Variants in CLTA observed in about 807,000 individuals in gnomAD.
CLTA encodes the protein clathrin, light polypeptide (Lca).
In CLTA, 9 loss-of-function variants were observed where a neutral mutation model predicts 26.9. The observed-to-expected ratio is 0.33, with a 90% confidence interval of 0.20 to 0.58. CLTA has a LOEUF of 0.58. Ranked by LOEUF, CLTA falls within the 20% of genes least tolerant of loss-of-function variation. The pLI, the probability that CLTA is intolerant of heterozygous loss-of-function variation, is 0.85. For synonymous variants in CLTA, 120 were observed against 115.5 expected (o/e 1.04, Z -0.25); for missense variants, 278 against 294.2 (o/e 0.94, Z 0.40).
chr9:36,194,215 C>T (rs574574817), intron 1 of CLTA, among the ~76,000 whole-genome samples: 6 of 152,246 alleles, frequency 3.9e-5, no homozygotes, highest in South Asian at 4.1e-4. Flanking sequence ...TTAGTAGAGA[C>T]GGGGTTTCAC....
chr9:36,208,486 C>G (rs775608353), intron 4 of CLTA, among the ~76,000 whole-genome samples: 6 of 152,340 alleles, frequency 3.9e-5, no homozygotes, highest in South Asian at 2.1e-4. Context: ...TCAGGAACAA[C>G]AGAAGCCAGG....
At chr9:36,211,508 A>G in intron 4 of CLTA, 95 bp from the exon 5 acceptor site, 1 of 1,467,354 alleles carries the variant, frequency 6.8e-7, no homozygotes, top group South Asian at 1.4e-5. Context: ...TCATTAAGAA[A>G]GGGACAAATA....
chr9:36,201,479 CA>C (rs1827398115), intron 3 of CLTA, among the ~76,000 whole-genome samples: 1 of 152,152 alleles, frequency 6.6e-6, no homozygotes, highest in Non-Finnish European at 1.5e-5. Context: ...ACTAAAGCTG[CA>C]AAAGCCAGAA....
chr9:36,193,797 C>T (rs915266131), intron 1 of CLTA, among the ~76,000 whole-genome samples: 3 of 152,164 alleles, frequency 2.0e-5, no homozygotes, highest in Non-Finnish European at 4.4e-5. Flanking sequence ...TGGATGACTC[C>T]TTTGGTTGTT....
chr9:36,191,734 A>G (rs763483671), intron 1 of CLTA, among the ~76,000 whole-genome samples: 17 of 152,258 alleles, frequency 1.1e-4, no homozygotes, highest in Admixed American at 3.3e-4. Flanking sequence ...AAAAGTAGCA[A>G]TGCAGTTCAG....
intron 4 of CLTA, among the ~76,000 whole-genome samples, chr9:36,207,195 T>G (rs1326735140): frequency 1.3e-5 from 2 of 152,182 alleles, no homozygotes; most frequent in African/African-American, 4.8e-5. Context: ...AGACTGCATC[T>G]CCCTTCTTTT....
intron 4 of CLTA, among the ~76,000 whole-genome samples, chr9:36,210,081 C>T (rs890900953): frequency 1.3e-5 from 2 of 150,368 alleles, no homozygotes; most frequent in African/African-American, 4.9e-5. Flanking sequence ...AGGTGTTTTT[C>T]TTATTCTTTT....
In CLTA at chr9:36,209,386, T is replaced by A; in HGVS notation, c.486-2217T>A. On this transcript the variant is annotated intron_variant, in intron 4 of 4. Coordinates refer to ENST00000345519, the MANE Select transcript of CLTA (RefSeq NM_001833.4). The stretch of plus-strand genomic sequence containing the variant: ...TTCTACTTTTGTTTAGAGTTAATGC[T>A]CCTTTTATGTCACAAGTTGCTTTGC... 4 of 1,221,852 alleles carry A rather than the reference T, an allele frequency of 3.3e-6. No homozygotes were observed. In the South Asian group the frequency reaches 3.8e-5, roughly 11 times the overall value. The allele number at this position is 1,221,852 out of a possible 1,614,324, so 75.7% of individuals were successfully genotyped here.
At chr9:36,210,752 C>A in intron 4 of CLTA, 1 of 1,480,654 alleles carries the variant, frequency 6.8e-7, no homozygotes, top group South Asian at 1.1e-5. Flanking sequence ...TTTGCCACGG[C>A]CATCCCTGTG....
At chr9:36,202,809 C>T (rs28397009) in intron 3 of CLTA, among the ~76,000 whole-genome samples, 14,370 of 151,554 alleles carry the variant, frequency 0.095, 924 homozygotes, top group South Asian at 0.18. Context: ...GTAGCTATGA[C>T]ATGTATTTCT....
At chr9:36,202,818 CT>C (rs60289579) in intron 3 of CLTA, among the ~76,000 whole-genome samples, 1,737 of 142,854 alleles carry the variant, frequency 0.012, 8 homozygotes, top group Non-Finnish European at 0.018. Flanking sequence ...ACATGTATTT[CT>C]TTTTTTTTTT....
chr9:36,211,140 G>A (rs546178173), intron 4 of CLTA, among the ~76,000 whole-genome samples: 1 of 152,264 alleles, frequency 6.6e-6, no homozygotes, highest in African/African-American at 2.4e-5. Flanking sequence ...GATCTGCCCC[G>A]TTTCTCTCCA....
Position 36,212,030 on chromosome 9 carries a change from T to C in CLTA, c.*256T>C, listed in dbSNP as rs1286926639. On this transcript the variant is annotated 3_prime_UTR_variant, in exon 5 of 5. Transcript: ENST00000345519. ...CTCAACCTGTGCTTCTGTGCATTAT[T>C]CTGAGAATAAATTTCTGTTTCAAAC... The C allele has an allele frequency of 1.6e-6, 1 of 621,520 alleles. No individual in the cohort carries two copies. The highest frequency in any genetic ancestry group is 1.8e-5 in the African/African-American group (1 of 54,762). 38.5% of individuals were successfully genotyped at this position (621,520 alleles called of 1,614,324 possible).
intron 2 of CLTA, among the ~76,000 whole-genome samples, chr9:36,198,172 A>G (rs1827165846): frequency 6.6e-6 from 1 of 151,194 alleles, no homozygotes. Context: ...AATTTTTTGT[A>G]TTTTTAGTAG....
intron 1 of CLTA, among the ~76,000 whole-genome samples, chr9:36,196,825 AAG>A (rs1425147518): frequency 6.6e-6 from 1 of 152,214 alleles, no homozygotes; most frequent in African/African-American, 2.4e-5. Context: ...GACAAACTAT[AAG>A]AAACTCATTT....
At chr9:36,195,383 C>CT (rs1412705164) in intron 1 of CLTA, among the ~76,000 whole-genome samples, 1 of 151,974 alleles carries the variant, frequency 6.6e-6, no homozygotes, top group Non-Finnish European at 1.5e-5. Flanking sequence ...AGAGCAAATA[C>CT]TTAGAGATCA....
At chr9:36,206,276 C>T (rs2132934520) in intron 4 of CLTA, among the ~76,000 whole-genome samples, 1 of 151,728 alleles carries the variant, frequency 6.6e-6, no homozygotes, top group East Asian at 1.9e-4. Context: ...GGGAACCTTG[C>T]AGCACAGGGC....
intron 4 of CLTA, chr9:36,210,519 T>C: frequency 6.4e-7 from 1 of 1,568,996 alleles, no homozygotes; most frequent in Non-Finnish European, 8.7e-7. Flanking sequence ...ACAGATAGAG[T>C]GGCAAGGGCA....
chr9:36,193,644 C>T (rs1216035870), intron 1 of CLTA, among the ~76,000 whole-genome samples: 1 of 152,122 alleles, frequency 6.6e-6, no homozygotes, highest in Non-Finnish European at 1.5e-5. Context: ...GGCGGGAGCT[C>T]TCTTTCTGAT....
Sources: allele counts gnomAD v4.1 joint callset (sites outside exome capture counted in the v4.1 genomes callset), GRCh38; gene constraint gnomAD v4.1.1; transcripts MANE v1.5; gene names NCBI Gene and HGNC (gene_info 2026-07-23, HGNC 2026-07-21).